CNPY1: variants seen among roughly 807,000 people sequenced by gnomAD.
CNPY1 encodes protein canopy homolog 1.
In CNPY1, 14 loss-of-function variants were observed where a neutral mutation model predicts 14.4. That is an observed-to-expected ratio of 0.97 (90% CI 0.64 to 1.52). The LOEUF is 1.52. Among genes scored for constraint, CNPY1 ranks in the 40% most tolerant of loss-of-function variants. CNPY1 has a pLI of 0.00. For missense variants in CNPY1, 129 were observed against 131.5 expected (o/e 0.98, Z 0.09); for synonymous variants, 43 against 46.5 (o/e 0.92, Z 0.31).
Position 155,536,066 on chromosome 7 carries a change from C to T in CNPY1, c.99+9765G>A, listed in dbSNP as rs910233086. On this transcript the variant is annotated intron_variant, in intron 2 of 4. Transcript: ENST00000636446. The surrounding 1 kb of genome is among the most constrained non-coding windows in gnomAD (Gnocchi z 4.1). ...CAAGGTTTGGCTGTAGGTAGTAAAC[C>T]CTCCGGGATGATATTCTGGGCTGGG... Among the ~76,000 whole-genome samples, 1 of 152,130 alleles carries T rather than the reference C, an allele frequency of 6.6e-6. No homozygotes were observed. Among genetic ancestry groups the T allele is most frequent in the African/African-American group, 2.4e-5 (1 of 41,416 alleles).
rs192555129 is a variant in CNPY1 at position 155,521,733 on chromosome 7, C to T, written c.100-12636G>A. Among the ~76,000 whole-genome samples, 179 of 152,362 alleles carry T rather than the reference C, an allele frequency of 1.2e-3. 2 individuals carry two copies. The highest frequency in any genetic ancestry group is 8.0e-3 in the Admixed American group (122 of 15,308). On this transcript the variant is annotated intron_variant, in intron 2 of 4. Coordinates refer to ENST00000636446, the MANE Select transcript of CNPY1 (RefSeq NM_001393663.1). ...ATTTCATTGTCCATACATAAAGTTT[C>T]GTGGGACACAGCTGCGCCCACATTT...
chr7:155,515,773 T>A (rs934087023), intron 2 of CNPY1, among the ~76,000 whole-genome samples: 2 of 152,180 alleles, frequency 1.3e-5, no homozygotes, highest in South Asian at 4.1e-4. Context: ...CTCTTTTCAA[T>A]GAGCGTTCAT....
intron 2 of CNPY1, among the ~76,000 whole-genome samples, chr7:155,533,101 A>G (rs1040056295): frequency 1.3e-5 from 2 of 152,226 alleles, no homozygotes; most frequent in African/African-American, 4.8e-5. Flanking sequence ...TATTGCAGTT[A>G]GAGTAACCAA....
At chr7:155,522,806 C>A (rs900033046) in intron 2 of CNPY1, among the ~76,000 whole-genome samples, 1 of 152,214 alleles carries the variant, frequency 6.6e-6, no homozygotes, top group Non-Finnish European at 1.5e-5. Context: ...CTAGAACAAT[C>A]AGTGTCACGG....
At chr7:155,522,971 C>T (rs1195748170) in intron 2 of CNPY1, among the ~76,000 whole-genome samples, 1 of 152,354 alleles carries the variant, frequency 6.6e-6, no homozygotes, top group Non-Finnish European at 1.5e-5. Context: ...CCCACTGTGT[C>T]TTCTAGCTCC....
chr7:155,537,690 G>C (rs1205666110), intron 2 of CNPY1, among the ~76,000 whole-genome samples: 1 of 152,088 alleles, frequency 6.6e-6, no homozygotes, highest in African/African-American at 2.4e-5. Flanking sequence ...CTCCCAAAGT[G>C]CCGGGATTAC....
At chr7:155,529,516 C>T (rs1563094406) in intron 2 of CNPY1, among the ~76,000 whole-genome samples, 1 of 152,190 alleles carries the variant, frequency 6.6e-6, no homozygotes, top group Non-Finnish European at 1.5e-5. Flanking sequence ...GTCCTTCCTT[C>T]CCTCTTCATG....
rs191999949 is a variant in CNPY1, at chr7:155,532,125, A to G, written c.99+13706T>C. 2.4e-4 allele frequency among the ~76,000 whole-genome samples: 36 copies of G among 152,382 alleles called. 1 individual carries two copies. In the East Asian group the frequency reaches 6.5e-3, roughly 28 times the overall value. On this transcript the variant is annotated intron_variant, in intron 2 of 4. Transcript: ENST00000636446. ...GGAGGATACTTCATAAGTTAAAATGATACTAACATTTAGAGAGGAAATATT... is the reference window on the plus strand; with the variant it reads ...GGAGGATACTTCATAAGTTAAAATGGTACTAACATTTAGAGAGGAAATATT...
At chr7:155,507,248 C>G in intron 3 of CNPY1, 132 bp from the exon 4 acceptor site, 3 of 653,310 alleles carry the variant, frequency 4.6e-6, no homozygotes, top group Non-Finnish European at 5.5e-6. Context: ...TTTTATTCGC[C>G]CTTTTGGTTT....
intron 2 of CNPY1, among the ~76,000 whole-genome samples, chr7:155,520,428 CTTTTTTTTTTTT>C (rs71522007): frequency 1.4e-5 from 1 of 69,410 alleles, no homozygotes; most frequent in African/African-American, 6.2e-5. Flanking sequence ...TTCTTTCTTT[CTTTTTTTTTTTT>C]TTTTTTTTTT....
intron 2 of CNPY1, among the ~76,000 whole-genome samples, chr7:155,525,177 C>T (rs1490589877): frequency 6.6e-6 from 1 of 152,046 alleles, no homozygotes; most frequent in Non-Finnish European, 1.5e-5. Flanking sequence ...TTTCATCTTT[C>T]TTTCTTTTTT....
At chr7:155,512,725 G>A (rs1585306284) in intron 2 of CNPY1, among the ~76,000 whole-genome samples, 2 of 152,164 alleles carry the variant, frequency 1.3e-5, no homozygotes, top group Non-Finnish European at 2.9e-5. Context: ...GGAAACTGTC[G>A]TTGTGGTATA....
chr7:155,519,647 A>G (rs1271850717), intron 2 of CNPY1, among the ~76,000 whole-genome samples: 2 of 152,102 alleles, frequency 1.3e-5, no homozygotes, highest in Non-Finnish European at 2.9e-5. Flanking sequence ...AAAAAAAAAG[A>G]CTATTAATAA....
chr7:155,516,162 A>T (rs1332950167), intron 2 of CNPY1, among the ~76,000 whole-genome samples: 1 of 152,220 alleles, frequency 6.6e-6, no homozygotes. Context: ...ATACCCTGAA[A>T]CAAGTGACTC....
chr7:155,523,379 G>T (rs754434934), intron 2 of CNPY1, among the ~76,000 whole-genome samples: 1 of 152,158 alleles, frequency 6.6e-6, no homozygotes, highest in Non-Finnish European at 1.5e-5. Context: ...GGTGTTTCAC[G>T]AGGGGCTGCA....
At chr7:155,543,116 C>A (rs549141469) in intron 2 of CNPY1, among the ~76,000 whole-genome samples, 4 of 152,188 alleles carry the variant, frequency 2.6e-5, no homozygotes, top group Non-Finnish European at 2.9e-5. Flanking sequence ...TCTGAAGACA[C>A]GGCCTGTGTT....
At chr7:155,527,054 C>CTTTCTTTCTTTTTTTTTT (rs56296833) in intron 2 of CNPY1, among the ~76,000 whole-genome samples, 1 of 90,344 alleles carries the variant, frequency 1.1e-5, no homozygotes, top group Non-Finnish European at 2.0e-5. Flanking sequence ...TTCTTTCTTT[C>CTTTCTTTCTTTTTTTTTT]TTTTTTTTTT....
intron 4 of CNPY1, 94 bp downstream of exon 4, chr7:155,506,926 C>T: frequency 2.5e-6 from 2 of 788,130 alleles, no homozygotes; most frequent in Non-Finnish European, 4.4e-6. Context: ...ATCGCAGAGG[C>T]AGCGAGGCTC....
chr7:155,540,067 C>T (rs201654112), intron 2 of CNPY1, among the ~76,000 whole-genome samples: 1 of 152,178 alleles, frequency 6.6e-6, no homozygotes, highest in East Asian at 1.9e-4. Context: ...AGGCTTTTCT[C>T]TCCTCTGGTG....
Sources: gnomAD v4.1 joint callset for allele counts (sites outside exome capture counted in the v4.1 genomes callset) on GRCh38, gnomAD v4.1.1 for gene constraint, Gnocchi (gnomAD v3.1) non-coding constraint, MANE v1.5 for transcripts, NCBI Gene and HGNC (gene_info 2026-07-23, HGNC 2026-07-21) for gene names.